Variants in MUC4 observed in about 807,000 individuals in gnomAD.
MUC4 encodes the protein mucin 4, cell surface associated.
Under a neutral mutation model 257.9 loss-of-function variants are expected in MUC4, and 202 were observed. The observed-to-expected ratio is 0.78, with a 90% confidence interval of 0.70 to 0.88. MUC4 has a LOEUF of 0.88. Ranked by LOEUF, MUC4 falls within the 40% of genes least tolerant of loss-of-function variation. The pLI, the probability that MUC4 is intolerant of heterozygous loss-of-function variation, is 0.00. For missense variants in MUC4, 5,976 were observed against 6,513.7 expected, an observed-to-expected ratio of 0.92 and a Z score of 2.84; for synonymous variants, 2,351 against 2,757.1, an observed-to-expected ratio of 0.85 and a Z score of 4.62.
chr3:195,770,897 A>T, intron 5 of MUC4: 1 of 457,316 alleles, frequency 2.2e-6, no homozygotes, highest in Non-Finnish European at 4.4e-6. Context: ...CTGATTTTAC[A>T]ATCAAAGGCT....
intron 1 of MUC4, among the ~76,000 whole-genome samples, chr3:195,796,453 C>T (rs545265586): frequency 6.6e-6 from 1 of 152,276 alleles, no homozygotes; most frequent in East Asian, 1.9e-4. Flanking sequence ...TGGCTCACGC[C>T]TGTAATCCTA....
Position 195,775,739 on chromosome 3 carries a change from C to G in MUC4, c.12944-1434G>C, listed in dbSNP as rs866924546. Among the ~76,000 whole-genome samples the G allele has an allele frequency of 1.2e-3, 16 of 13,884 alleles. 2 individuals are homozygous for G. The highest frequency in any genetic ancestry group is 3.4e-3 in the South Asian group (2 of 592). The allele number at this position is 13,884 out of a possible 152,430, so 9.1% of individuals were successfully genotyped here. ...ACCTTCCACATCCATACCTTCCACA[C>G]CCTTACCTTCCACACCCATACCTTC... On this transcript the variant is annotated intron_variant, in intron 3 of 24. Transcript: ENST00000463781.
intron 1 of MUC4, among the ~76,000 whole-genome samples, chr3:195,793,120 CTT>C (rs2149046226): frequency 1.1e-4 from 1 of 9,214 alleles, no homozygotes; most frequent in South Asian, 6.0e-3. Flanking sequence ...TATCCTGAAA[CTT>C]AAAGTAAAAA....
rs1283906302 is a variant in MUC4 at position 195,783,732 on chromosome 3, T to C, written c.7848A>G (p.Ser2616=). 5.2e-6 allele frequency: 5 copies of C among 952,798 alleles called. No homozygotes were observed. The highest frequency in any genetic ancestry group is 2.9e-5 in the East Asian group (1 of 34,660). 59.0% of individuals were successfully genotyped at this position (952,798 alleles called of 1,614,324 possible). The change falls in exon 2 of 25, where the codon TCA becomes TCG. Residue 2616 remains serine (S), a synonymous_variant. Transcript: ENST00000463781. ...ATPLPVTSLS[S]VSTGDTTPLP... ...GAGGCGTGGTGTCACCTGTGGATAC[T>C]GAGGAAAGGCTGGTGACAGGAAGAG... is the stretch of plus-strand genomic sequence containing the variant.
chr3:195,771,858 T>C (rs772730586), intron 4 of MUC4, 42 bp from the exon 5 acceptor site: 3 of 1,600,640 alleles, frequency 1.9e-6, no homozygotes, highest in Admixed American at 3.4e-5. Context: ...GGGAGGGAAG[T>C]GGGGAGGAAA....
chr3:195,770,154 C>A, intron 6 of MUC4, 62 bp downstream of exon 6: 1 of 1,442,592 alleles, frequency 6.9e-7, no homozygotes. Flanking sequence ...TGGCCCCTGC[C>A]TAGGATTCTA....
In MUC4 at chr3:195,783,068, G is replaced by T. The variant is rs201843719; in HGVS notation, c.8512C>A (p.Pro2838Thr). The T allele has an allele frequency of 0.11, 71,372 of 622,540 alleles. 13,441 individuals are homozygous for T. The highest frequency in any genetic ancestry group is 0.14 in the Non-Finnish European group (61,642 of 437,678). 38.6% of individuals were successfully genotyped at this position (622,540 alleles called of 1,614,324 possible). A position where few individuals can be genotyped will look rare whatever the true frequency, so the allele number is the denominator to read the frequency against. Residue 2838 changes from proline to threonine, a missense_variant, in exon 2 of 25, where the codon CCT becomes ACT. Coordinates refer to ENST00000463781, the MANE Select transcript of MUC4 (RefSeq NM_018406.7). ...GHATSLPVTI[P>T]SSASSGHTTP... is the part of the protein sequence containing the mutation. ...GTGTGACCTGAGGATGCTGAGGAAGGGATGGTGACAGGAAGAGAGGTGGCA... is the reference window on the plus strand; with the variant it reads ...GTGTGACCTGAGGATGCTGAGGAAGTGATGGTGACAGGAAGAGAGGTGGCA...
chr3:195,783,076 A>G lies in MUC4; in HGVS notation c.8504T>C (p.Val2835Ala). 5.3e-6 allele frequency: 4 copies of G among 748,828 alleles called. No homozygotes were observed. The highest frequency in any genetic ancestry group is 5.6e-6 in the Non-Finnish European group (3 of 531,474). 46.4% of individuals were successfully genotyped at this position (748,828 alleles called of 1,614,324 possible). ...TGAGGATGCTGAGGAAGGGATGGTGACAGGAAGAGAGGTGGCATGACCTGT... is the reference window on the plus strand; with the variant it reads ...TGAGGATGCTGAGGAAGGGATGGTGGCAGGAAGAGAGGTGGCATGACCTGT... ...VFTGHATSLP[V>A]TIPSSASSGH... Residue 2835 changes from valine to alanine, a missense_variant, in exon 2 of 25, where the codon GTC becomes GCC. Transcript: ENST00000463781.
rs777859524 is a variant in MUC4 at position 195,781,063 on chromosome 3, G to C, written c.10517C>G (p.Pro3506Arg). Residue 3506 changes from proline (P) to arginine (R), a missense_variant, in exon 2 of 25, where the codon CCT (proline) becomes CGT (arginine). Physicochemically the swap from Pro to Arg is moderately radical, Grantham distance 103. Coordinates refer to ENST00000463781, the MANE Select transcript of MUC4 (RefSeq NM_018406.7). Reference sequence around the variant, plus strand: ...GGATGCTGAGGAAGCGCCGGTGACAGGAAGAGTGCTGGTGTCACCTGTGGA... The same window carrying C: ...GGATGCTGAGGAAGCGCCGGTGACACGAAGAGTGCTGGTGTCACCTGTGGA... ...SASTGDTSTL[P>R]VTGASSASTG... The C allele has an allele frequency of 1.2e-5, 18 of 1,496,392 alleles. No homozygotes were observed. The highest frequency in any genetic ancestry group is 1.6e-5 in the Non-Finnish European group (18 of 1,112,952). 92.7% of individuals were successfully genotyped at this position (1,496,392 alleles called of 1,614,324 possible). A position where few individuals can be genotyped will look rare whatever the true frequency, so the allele number is the denominator to read the frequency against.
chr3:195,800,439 A>G (rs941246657), intron 1 of MUC4, among the ~76,000 whole-genome samples: 3 of 152,130 alleles, frequency 2.0e-5, no homozygotes, highest in South Asian at 4.1e-4. Flanking sequence ...ACATAGTTTT[A>G]TTGTCTAGGG....
rs1206241445 is a variant in MUC4 at position 195,753,141 on chromosome 3, C to G, written c.15418G>C (p.Gly5140Arg). ...GGGCAGGTGCACATGGGCTGACAGCCCAGAGTCTGGGAGATGTAGCAGTGG... is the reference window on the plus strand; with the variant it reads ...GGGCAGGTGCACATGGGCTGACAGCGCAGAGTCTGGGAGATGTAGCAGTGG... ...QGHCYISQTL[G>R]CQPMCTCPPA... Residue 5140 changes from glycine (G) to arginine (R), a missense_variant, in exon 20 of 25, where the codon GGC becomes CGC. By Grantham distance (125) the Gly-to-Arg change is moderately radical. Transcript: ENST00000463781. 3 of 1,613,106 alleles carry G rather than the reference C, an allele frequency of 1.9e-6. No homozygotes were observed. The highest frequency in any genetic ancestry group is 2.2e-5 in the South Asian group (2 of 90,942).
intron 17 of MUC4, among the ~76,000 whole-genome samples, chr3:195,758,819 C>A (rs988912256): frequency 6.6e-6 from 1 of 151,452 alleles, no homozygotes; most frequent in African/African-American, 2.4e-5. Flanking sequence ...GATCCGCCCA[C>A]CTCGGCCTCC....
rs781508477 is a variant in MUC4 at position 195,788,241 on chromosome 3, T to C, written c.3339A>G (p.Val1113=). ...GAAGAGGGGTGGTGTGACCTGTGGA[T>C]ACTGAGGAAGTGTCGGTGACAGGAA... ...TSLPVTDTSS[V]STGHTTPLPV... is the part of the protein sequence containing the mutation. Residue 1113 remains valine, a synonymous_variant, in exon 2 of 25, where the codon GTA becomes GTG. Transcript: ENST00000463781. The C allele has an allele frequency of 6.8e-7, 1 of 1,470,686 alleles. No individual in the cohort carries two copies. The highest frequency in any genetic ancestry group is 1.5e-5 in the African/African-American group (1 of 68,836). The allele number at this position is 1,470,686 out of a possible 1,614,324, so 91.1% of individuals were successfully genotyped here. A position where few individuals can be genotyped will look rare whatever the true frequency, so the allele number is the denominator to read the frequency against.
intron 24 of MUC4, 151 bp from the exon 25 acceptor site, chr3:195,747,531 A>AC (rs1715295987): frequency 7.7e-5 from 74 of 959,128 alleles, no homozygotes; most frequent in Admixed American, 1.0e-4. Context: ...GCCGTGCTGA[A>AC]GTGAGACCAC....
intron 6 of MUC4, 143 bp downstream of exon 6, chr3:195,770,073 G>T (rs551119031): frequency 2.8e-5 from 24 of 845,950 alleles, no homozygotes; most frequent in Non-Finnish European, 3.6e-5. Context: ...TGGTGGCAGT[G>T]GGGGGGTGGC....
At chr3:195,800,890 G>GGAA (rs749420837) in intron 1 of MUC4, among the ~76,000 whole-genome samples, 3 of 91,376 alleles carry the variant, frequency 3.3e-5, no homozygotes, top group Non-Finnish European at 6.4e-5. Context: ...CCCCTTCTCT[G>GGAA]AAAAAAAAAA....
intron 8 of MUC4, 32 bp downstream of exon 8, chr3:195,766,631 C>G (rs373492551): frequency 1.3e-4 from 201 of 1,600,380 alleles, no homozygotes; most frequent in Non-Finnish European, 7.4e-5. Context: ...GGGCTTGAGA[C>G]CAGCTCAGGT....
At chr3:195,760,806 A>G (rs1718721007) in intron 16 of MUC4, 78 bp downstream of exon 16, 2 of 1,207,096 alleles carry the variant, frequency 1.7e-6, no homozygotes, top group Non-Finnish European at 1.2e-6. Flanking sequence ...ATGCACAGGG[A>G]AAAGCAGGGT....
At chr3:195,748,858 T>G in intron 24 of MUC4, 44 bp downstream of exon 24, 1 of 1,496,646 alleles carries the variant, frequency 6.7e-7, no homozygotes, top group Non-Finnish European at 8.9e-7. Context: ...CCAGCTTGGG[T>G]TCCCCAGCAC....
Sources: gnomAD v4.1 joint callset for allele counts (sites outside exome capture counted in the v4.1 genomes callset) on GRCh38, gnomAD v4.1.1 for gene constraint, MANE v1.5 for transcripts, NCBI Gene and HGNC (gene_info 2026-07-23, HGNC 2026-07-21) for gene names.